The following ARID4B variants were observed in gnomAD, a reference collection of about 807,000 sequenced individuals.
ARID4B encodes AT-rich interaction domain 4B, also known as AT-rich interactive domain-containing protein 4B.
Under a neutral mutation model 147.5 loss-of-function variants are expected in ARID4B, and 26 were observed. The ratio of observed to expected loss-of-function variants is 0.18; its 90% CI spans 0.13 to 0.24. The LOEUF is 0.24. ARID4B is among the 10% of genes least tolerant of loss of function. ARID4B has a pLI of 1.00. For synonymous variants in ARID4B, 512 were observed against 507.9 expected, an observed-to-expected ratio of 1.01 and a Z score of -0.11; for missense variants, 1,179 against 1,511.5, an observed-to-expected ratio of 0.78 and a Z score of 3.65.
intron 2 of ARID4B, among the ~76,000 whole-genome samples, chr1:235,300,365 C>T (rs1002228017): frequency 2.5e-4 from 38 of 151,490 alleles, no homozygotes; most frequent in Non-Finnish European, 4.3e-4. Flanking sequence ...TGTAGTGAGC[C>T]GAGATCATGC....
At chr1:235,262,825 C>A (rs1366968291) in intron 2 of ARID4B, among the ~76,000 whole-genome samples, 1 of 152,070 alleles carries the variant, frequency 6.6e-6, no homozygotes, top group East Asian at 1.9e-4. Flanking sequence ...AAATTTTTAT[C>A]ATAAGGATGG....
chr1:235,278,176 A>G (rs1553309869), intron 2 of ARID4B, among the ~76,000 whole-genome samples: 1 of 152,220 alleles, frequency 6.6e-6, no homozygotes, highest in Non-Finnish European at 1.5e-5. Flanking sequence ...AAAGCATTCA[A>G]TAGAATAGTT....
intron 19 of ARID4B, chr1:235,186,994 C>T: frequency 3.0e-6 from 1 of 337,172 alleles, no homozygotes; most frequent in Middle Eastern, 1.2e-3. Context: ...CTGTGCCTGG[C>T]CTTTAGATTT....
At chr1:235,251,579 T>C (rs2103095445) in intron 6 of ARID4B, among the ~76,000 whole-genome samples, 1 of 152,138 alleles carries the variant, frequency 6.6e-6, no homozygotes. Flanking sequence ...TAATAAGTAA[T>C]ATTAAAATAT....
chr1:235,296,846 GA>G (rs1558289368), intron 2 of ARID4B, among the ~76,000 whole-genome samples: 9 of 139,584 alleles, frequency 6.4e-5, no homozygotes, highest in South Asian at 2.4e-4. Flanking sequence ...AGGGAGGAAG[GA>G]GGGAGGGAAG....
chr1:235,326,557 T>C (rs1277372346), intron 2 of ARID4B, among the ~76,000 whole-genome samples: 2 of 152,256 alleles, frequency 1.3e-5, no homozygotes, highest in Non-Finnish European at 2.9e-5. Flanking sequence ...TTCTCTTTCA[T>C]CAGTGTAACT....
At chr1:235,322,032 AT>A (rs1014294163) in intron 2 of ARID4B, among the ~76,000 whole-genome samples, 26 of 148,870 alleles carry the variant, frequency 1.7e-4, no homozygotes, top group East Asian at 5.9e-4. Flanking sequence ...TCAAGAAAAA[AT>A]TTTTTTTTTT....
At chr1:235,250,408 T>C (rs1669572644) in intron 6 of ARID4B, among the ~76,000 whole-genome samples, 1 of 152,190 alleles carries the variant, frequency 6.6e-6, no homozygotes, top group Non-Finnish European at 1.5e-5. Context: ...AGATGGTAGA[T>C]TAAATTCCCC....
intron 2 of ARID4B, among the ~76,000 whole-genome samples, chr1:235,300,060 G>T (rs1253183463): frequency 1.3e-5 from 2 of 152,130 alleles, no homozygotes; most frequent in Admixed American, 6.6e-5. Flanking sequence ...CTGGTGGGGA[G>T]AGGTACTTCC....
At chr1:235,237,206 C>A (rs980169740) in intron 8 of ARID4B, among the ~76,000 whole-genome samples, 1 of 151,908 alleles carries the variant, frequency 6.6e-6, no homozygotes, top group East Asian at 1.9e-4. Flanking sequence ...CTCACAAAGA[C>A]TCCTAGTGCT....
chr1:235,261,749 CTTACGTT>C (rs1338638286), intron 2 of ARID4B, among the ~76,000 whole-genome samples: 1 of 152,146 alleles, frequency 6.6e-6, no homozygotes, highest in East Asian at 1.9e-4. Flanking sequence ...AATAGCTGCT[CTTACGTT>C]TTACATTCAG....
chr1:235,240,423 TGGA>T lies in ARID4B; in HGVS notation c.472_474del (p.Ser159del), dbSNP rs1558237072. ...TTCCTATCATCCTCATCTTCATCAC[TGGA>T]GGATGATGAAGACTCTTCCTCTGGT... On this transcript the variant is annotated inframe_deletion, in exon 8 of 24. Coordinates refer to ENST00000264183, the MANE Select transcript of ARID4B (RefSeq NM_016374.6). The T allele has an allele frequency of 1.2e-6, 2 of 1,612,814 alleles. No individual in the cohort carries two copies. The highest frequency in any genetic ancestry group is 3.3e-5 in the Admixed American group (2 of 59,972).
rs1339707687 is a variant in ARID4B at position 235,255,750 on chromosome 1, C to T, written c.184G>A (p.Val62Ile). Reference sequence around the variant, plus strand: ...TTCTTCACTTCCACAATAGCTCCTACCTAAAGTATTTTTAAACATGTTAGA... The same window carrying T: ...TTCTTCACTTCCACAATAGCTCCTATCTAAAGTATTTTTAAACATGTTAGA... ...QDDHIKGPLK[V>I]GAIVEVKNLD... is the part of the protein sequence containing the mutation. The change falls in exon 5 of 24, where the codon GTA becomes ATA. Residue 62 changes from valine to isoleucine, a missense_variant and splice_region_variant. Physicochemically the swap from Val to Ile is conservative, Grantham distance 29. Coordinates refer to ENST00000264183, the MANE Select transcript of ARID4B (RefSeq NM_016374.6). The T allele has an allele frequency of 6.3e-7, 1 of 1,596,514 alleles. No individual in the cohort carries two copies. Among genetic ancestry groups the T allele is most frequent in the African/African-American group, 1.4e-5 (1 of 73,938 alleles).
chr1:235,283,644 A>G (rs1671798750), intron 2 of ARID4B, among the ~76,000 whole-genome samples: 1 of 152,180 alleles, frequency 6.6e-6, no homozygotes, highest in Non-Finnish European at 1.5e-5. Context: ...TTTAACATTT[A>G]CTTAAGACAG....
chr1:235,220,678 TAGTTCTTTCTA>T (rs1667402491), intron 14 of ARID4B, 133 bp from the exon 15 acceptor site: 1 of 761,818 alleles, frequency 1.3e-6, no homozygotes, highest in South Asian at 3.6e-5. Context: ...TAATTTATTC[TAGTTCTTTCTA>T]ATCTTTTCAA....
At chr1:235,206,396 C>T (rs559044181) in intron 17 of ARID4B, among the ~76,000 whole-genome samples, 3 of 151,706 alleles carry the variant, frequency 2.0e-5, no homozygotes, top group African/African-American at 4.8e-5. Flanking sequence ...TCCTTTGGCT[C>T]GGAAAAATAA....
Position 235,194,205 on chromosome 1 carries a change from A to T in ARID4B, c.1933T>A (p.Leu645Ile). ...IKHRKKIKNK[L>I]DKEKDKDEKY... ...TCATCTTTGTCTTTTTCTTTGTCTA[A>T]TTTATTCTAGGTTAAGAAAAAAAGT... The change falls in exon 19 of 24, where the codon TTA (leucine) becomes ATA (isoleucine). Residue 645 changes from leucine to isoleucine, a missense_variant. Leu to Ile is a conservative substitution (Grantham distance 5). Transcript: ENST00000264183. The T allele has an allele frequency of 1.2e-6, 2 of 1,601,802 alleles. No individual in the cohort carries two copies. The highest frequency in any genetic ancestry group is 1.1e-5 in the South Asian group (1 of 90,742).
At chr1:235,258,020 C>T (rs1235132415) in intron 3 of ARID4B, among the ~76,000 whole-genome samples, 4 of 151,982 alleles carry the variant, frequency 2.6e-5, no homozygotes, top group Non-Finnish European at 5.9e-5. Context: ...ATGACTGTTC[C>T]CATTTTGTTG....
At chr1:235,311,857 TAAAG>T (rs1674077270) in intron 2 of ARID4B, among the ~76,000 whole-genome samples, 1 of 152,098 alleles carries the variant, frequency 6.6e-6, no homozygotes, top group African/African-American at 2.4e-5. Context: ...CTGCAAAACT[TAAAG>T]AAACATACCG....
Sources: allele counts gnomAD v4.1 joint callset (sites outside exome capture counted in the v4.1 genomes callset), GRCh38; gene constraint gnomAD v4.1.1; transcripts MANE v1.5; gene names NCBI Gene and HGNC (gene_info 2026-07-23, HGNC 2026-07-21).